AGBL1: variants seen among roughly 807,000 people sequenced by gnomAD.
The protein encoded by AGBL1 is AGBL carboxypeptidase 1.
Under a neutral mutation model 118.9 loss-of-function variants are expected in AGBL1, and 130 were observed. That is an observed-to-expected ratio of 1.09 (90% CI 0.95 to 1.26). The LOEUF (loss-of-function observed/expected upper bound fraction) is 1.26. AGBL1 is among the 50% of genes most tolerant of loss of function. AGBL1 has a pLI of 0.00. For synonymous variants in AGBL1, 555 were observed against 478.9 expected (o/e 1.16, Z -2.08); for missense variants, 1,584 against 1,298.1 (o/e 1.22, Z -3.38).
chr15:86,829,998 A>C (rs1190301244), intron 22 of AGBL1, among the ~76,000 whole-genome samples: 1 of 152,124 alleles, frequency 6.6e-6, no homozygotes, highest in East Asian at 1.9e-4. Flanking sequence ...TTCTCATTCT[A>C]CTTGAGAATG....
intron 22 of AGBL1, among the ~76,000 whole-genome samples, chr15:86,689,817 T>C (rs2086131862): frequency 6.6e-6 from 1 of 152,168 alleles, no homozygotes; most frequent in Non-Finnish European, 1.5e-5. Flanking sequence ...TGATGGATGA[T>C]ACTAAAAAGA....
intron 22 of AGBL1, among the ~76,000 whole-genome samples, chr15:86,861,249 G>A (rs1339506160): frequency 6.6e-6 from 1 of 152,106 alleles, no homozygotes; most frequent in Non-Finnish European, 1.5e-5. Flanking sequence ...TACTGTCTGG[G>A]TGCTGTGGGG....
At chr15:86,945,707 A>G (rs1409610635) in intron 23 of AGBL1, among the ~76,000 whole-genome samples, 1 of 152,140 alleles carries the variant, frequency 6.6e-6, no homozygotes, top group African/African-American at 2.4e-5. Context: ...ACAACTTATT[A>G]AAATTGGTTG....
intron 5 of AGBL1, among the ~76,000 whole-genome samples, chr15:86,160,788 G>A (rs1327583016): frequency 3.3e-5 from 5 of 152,162 alleles, no homozygotes; most frequent in African/African-American, 9.7e-5. Flanking sequence ...GTCTCACTCA[G>A]TCTTCTCCTC....
intron 18 of AGBL1, among the ~76,000 whole-genome samples, chr15:86,456,334 T>A (rs2082258089): frequency 6.6e-6 from 1 of 152,230 alleles, no homozygotes; most frequent in South Asian, 2.1e-4. Context: ...CCATACTGTT[T>A]CTCTTTTCCT....
At chr15:86,562,602 C>G (rs1478692561) in intron 21 of AGBL1, among the ~76,000 whole-genome samples, 1 of 152,100 alleles carries the variant, frequency 6.6e-6, no homozygotes, top group African/African-American at 2.4e-5. Context: ...GTCTAAAATT[C>G]TCTTTTTTTG....
intron 17 of AGBL1, among the ~76,000 whole-genome samples, chr15:86,340,346 A>T (rs1282130722): frequency 6.6e-6 from 1 of 151,454 alleles, no homozygotes. Flanking sequence ...TCTTATTTGA[A>T]AATAGGGGCT....
intron 1 of AGBL1, among the ~76,000 whole-genome samples, chr15:86,108,530 G>A (rs937593705): frequency 2.0e-5 from 3 of 152,184 alleles, no homozygotes; most frequent in Admixed American, 6.5e-5. Context: ...AACCTAGGAA[G>A]TCAGGGGCTC....
intron 17 of AGBL1, among the ~76,000 whole-genome samples, chr15:86,387,695 T>G (rs992747795): frequency 2.0e-5 from 3 of 152,336 alleles, no homozygotes; most frequent in Non-Finnish European, 4.4e-5. Context: ...TTTCCAAAAC[T>G]TATCAGCTAC....
chr15:86,473,644 G>A (rs2082512378), intron 18 of AGBL1, among the ~76,000 whole-genome samples: 1 of 151,994 alleles, frequency 6.6e-6, no homozygotes, highest in South Asian at 2.1e-4. Context: ...GTATTTCAAT[G>A]ACTACATAGA....
At chr15:86,510,049 T>G (rs543298145) in intron 18 of AGBL1, among the ~76,000 whole-genome samples, 5 of 152,030 alleles carry the variant, frequency 3.3e-5, no homozygotes, top group Non-Finnish European at 7.4e-5. Flanking sequence ...AAGATGACTC[T>G]TGACATTCTT....
chr15:86,104,750 G>T (rs923209233), intron 1 of AGBL1, among the ~76,000 whole-genome samples: 8 of 152,176 alleles, frequency 5.3e-5, no homozygotes, highest in Non-Finnish European at 1.0e-4. Flanking sequence ...GTGAGGGCTG[G>T]GCTCTCAAAA....
chr15:86,293,016 G>T (rs930312489), intron 16 of AGBL1, among the ~76,000 whole-genome samples: 6 of 152,166 alleles, frequency 3.9e-5, no homozygotes, highest in Non-Finnish European at 7.3e-5. Context: ...TGCCCCTGAG[G>T]CTAGAGAAAG....
chr15:86,698,610 GTTTTTT>G (rs78700642), intron 22 of AGBL1, among the ~76,000 whole-genome samples: 1 of 138,486 alleles, frequency 7.2e-6, no homozygotes, highest in African/African-American at 2.6e-5. Flanking sequence ...GCTGATCATT[GTTTTTT>G]TTTTTTTTTA....
At chr15:86,518,664 A>G (rs781578879) in intron 18 of AGBL1, among the ~76,000 whole-genome samples, 20 of 152,246 alleles carry the variant, frequency 1.3e-4, no homozygotes, top group Non-Finnish European at 2.5e-4. Flanking sequence ...GTGGGAAACA[A>G]TCAAGGTAAA....
At chr15:86,677,395 C>G (rs1224941600) in intron 22 of AGBL1, among the ~76,000 whole-genome samples, 1 of 152,160 alleles carries the variant, frequency 6.6e-6, no homozygotes, top group Non-Finnish European at 1.5e-5. Flanking sequence ...GATCTTTCCT[C>G]TCCTCTTCCT....
intron 18 of AGBL1, among the ~76,000 whole-genome samples, chr15:86,433,130 G>A (rs1460603342): frequency 6.6e-6 from 1 of 152,138 alleles, no homozygotes; most frequent in African/African-American, 2.4e-5. Context: ...TGGCCTGGGA[G>A]GACTGAGAAG....
rs200591414 is a variant in AGBL1 at position 86,776,738 on chromosome 15, TTA to T, written c.3158+102314_3158+102315del. Among the ~76,000 whole-genome samples the T allele has an allele frequency of 2.9e-3, 376 of 131,812 alleles. 2 individuals are homozygous for T. Among genetic ancestry groups the T allele is most frequent in the Non-Finnish European group, 4.7e-3 (294 of 62,808 alleles). The allele number at this position is 131,812 out of a possible 152,430, so 86.5% of individuals were successfully genotyped here. On this transcript the variant is annotated intron_variant, in intron 22 of 22. Coordinates refer to ENST00000614907, the MANE Select transcript of AGBL1 (RefSeq NM_001386094.1). ...TTCTCTGTGAATCAATGGCTTAGAA[TTA>T]TATATATATATGTGTGTGTGTGTGT...
chr15:86,329,647 G>T (rs181782303), intron 17 of AGBL1, among the ~76,000 whole-genome samples: 75 of 150,826 alleles, frequency 5.0e-4, no homozygotes, highest in African/African-American at 1.8e-3. Context: ...GTGCAGTGGG[G>T]TCCTCTGCAT....
Sources: gnomAD v4.1 joint callset for allele counts (sites outside exome capture counted in the v4.1 genomes callset) on GRCh38, gnomAD v4.1.1 for gene constraint, MANE v1.5 for transcripts, NCBI Gene and HGNC (gene_info 2026-07-23, HGNC 2026-07-21) for gene names.